The following STPG2 variants were observed in gnomAD, a reference collection of about 807,000 sequenced individuals.
The protein encoded by STPG2 is sperm tail PG-rich repeat containing 2.
In STPG2, 56 loss-of-function variants were observed where a neutral mutation model predicts 54.2. That is an observed-to-expected ratio of 1.03 (90% CI 0.83 to 1.29). STPG2 has a LOEUF of 1.29. STPG2 is among the 50% of genes most tolerant of loss of function. The pLI, the probability that STPG2 is intolerant of heterozygous loss-of-function variation, is 0.00. For missense variants in STPG2, 596 were observed against 544.9 expected (o/e 1.09, Z -0.93); for synonymous variants, 200 against 181.8 (o/e 1.10, Z -0.81).
chr4:97,952,801 G>C (rs1171025914), intron 7 of STPG2, among the ~76,000 whole-genome samples: 2 of 152,192 alleles, frequency 1.3e-5, no homozygotes, highest in African/African-American at 4.8e-5. Flanking sequence ...CCTCTGGTTA[G>C]CCAGGTTGGT....
intron 8 of STPG2, among the ~76,000 whole-genome samples, chr4:97,907,861 A>G (rs1355814049): frequency 6.6e-6 from 1 of 152,150 alleles, no homozygotes; most frequent in Non-Finnish European, 1.5e-5. Context: ...TTATACAAAA[A>G]TCAATTCAAG....
At chr4:97,791,050 C>T (rs1726975289) in intron 9 of STPG2, among the ~76,000 whole-genome samples, 1 of 152,138 alleles carries the variant, frequency 6.6e-6, no homozygotes, top group Non-Finnish European at 1.5e-5. Context: ...TATGTCCCTA[C>T]TCTGAAAAAG....
intron 4 of STPG2, among the ~76,000 whole-genome samples, chr4:97,542,211 A>G (rs1452806270): frequency 6.6e-6 from 1 of 152,216 alleles, no homozygotes; most frequent in Non-Finnish European, 1.5e-5. Context: ...AATTTTTGCA[A>G]TCTACTCATC....
At chr4:97,769,903 A>T (rs1252127660) in intron 9 of STPG2, among the ~76,000 whole-genome samples, 2 of 152,288 alleles carry the variant, frequency 1.3e-5, no homozygotes, top group Non-Finnish European at 2.9e-5. Context: ...AATAATAAAT[A>T]AATTAACATA....
chr4:97,481,202 C>T lies in STPG2; in HGVS notation c.462+231497G>A, dbSNP rs1403916536. Among the ~76,000 whole-genome samples, 4 of 151,486 alleles carry T rather than the reference C, an allele frequency of 2.6e-5. No homozygotes were observed. The East Asian group carries it at 7.7e-4, about 29-fold the overall frequency. ...AGCATCTATGTAAAAAATTAACAGACCATCTACAATAGTCAATTTTTGAAC... is the reference window on the plus strand; with the variant it reads ...AGCATCTATGTAAAAAATTAACAGATCATCTACAATAGTCAATTTTTGAAC... On this transcript the variant is annotated intron_variant, in intron 4 of 4. Coordinates refer to the STPG2 transcript ENST00000522676.
chr4:97,703,547 AAT>A (rs1241494506), intron 10 of STPG2, among the ~76,000 whole-genome samples: 2 of 139,540 alleles, frequency 1.4e-5, no homozygotes, highest in Admixed American at 1.6e-4. Flanking sequence ...TATATACTAT[AAT>A]ATACTATATA....
At chr4:97,484,294 G>T (rs1317130162) in intron 4 of STPG2, among the ~76,000 whole-genome samples, 1 of 151,474 alleles carries the variant, frequency 6.6e-6, no homozygotes, top group Non-Finnish European at 1.5e-5. Context: ...TCTTTGAAAA[G>T]ATAAATAAAA....
intron 5 of STPG2, among the ~76,000 whole-genome samples, chr4:98,081,985 C>A (rs557445561): frequency 6.6e-6 from 1 of 152,198 alleles, no homozygotes; most frequent in East Asian, 1.9e-4. Flanking sequence ...CCAAGAAATA[C>A]AATAATTAAG....
chr4:97,962,449 T>C (rs1733925502), intron 7 of STPG2, among the ~76,000 whole-genome samples: 1 of 152,138 alleles, frequency 6.6e-6, no homozygotes, highest in African/African-American at 2.4e-5. Context: ...GATAATCAAA[T>C]TAAACATAAA....
chr4:97,798,312 G>T (rs1375801795), intron 9 of STPG2, among the ~76,000 whole-genome samples: 1 of 152,008 alleles, frequency 6.6e-6, no homozygotes, highest in African/African-American at 2.4e-5. Context: ...TTTCTCATGT[G>T]GGCATATAGT....
At chr4:97,904,637 A>T (rs887704518) in intron 8 of STPG2, among the ~76,000 whole-genome samples, 1 of 152,236 alleles carries the variant, frequency 6.6e-6, no homozygotes, top group Non-Finnish European at 1.5e-5. Context: ...TAGAAGAAGG[A>T]TTCAGATAAT....
chr4:97,769,681 C>T (rs1726165309), intron 9 of STPG2, among the ~76,000 whole-genome samples: 1 of 151,890 alleles, frequency 6.6e-6, no homozygotes, highest in Admixed American at 6.6e-5. Context: ...ACAAGAGTTT[C>T]TCATGCATAT....
At chr4:98,009,157 T>C (rs1323526627) in intron 5 of STPG2, among the ~76,000 whole-genome samples, 2 of 152,078 alleles carry the variant, frequency 1.3e-5, no homozygotes, top group African/African-American at 2.4e-5. Flanking sequence ...TTACTTTCCC[T>C]TTCTTTGTTA....
chr4:97,893,821 G>A (rs1294713339), intron 8 of STPG2, among the ~76,000 whole-genome samples: 4 of 151,998 alleles, frequency 2.6e-5, no homozygotes, highest in Non-Finnish European at 5.9e-5. Flanking sequence ...AAGAATGGAT[G>A]TTGAGGGAGA....
chr4:97,813,390 T>TA (rs999875191), intron 9 of STPG2, among the ~76,000 whole-genome samples: 4 of 151,938 alleles, frequency 2.6e-5, no homozygotes, highest in African/African-American at 7.2e-5. Flanking sequence ...GATACTTTTT[T>TA]AAAAAAAGAA....
intron 9 of STPG2, among the ~76,000 whole-genome samples, chr4:97,819,578 T>C (rs556553834): frequency 6.6e-6 from 1 of 152,278 alleles, no homozygotes; most frequent in South Asian, 2.1e-4. Flanking sequence ...TGTTGTCTTA[T>C]ATGCTATGCA....
chr4:97,511,671 T>C (rs966287808), intron 4 of STPG2, among the ~76,000 whole-genome samples: 3 of 152,082 alleles, frequency 2.0e-5, no homozygotes, highest in African/African-American at 4.8e-5. Flanking sequence ...AGAATAAAAA[T>C]TATTTTCAAG....
At position 97,635,489 on chromosome 4, in the gene STPG2, C is replaced by A. The variant is rs543082421; in HGVS notation, c.1321-76372G>T. Among the ~76,000 whole-genome samples the A allele has an allele frequency of 4.9e-3, 746 of 151,998 alleles. 2 individuals are homozygous for A. The highest frequency in any genetic ancestry group is 0.021 in the Middle Eastern group (6 of 292). ...TGACAGGATCAAATTCACACATAACCCTATTAACTTTAAATGTAAATGGAC... is the reference window on the plus strand; with the variant it reads ...TGACAGGATCAAATTCACACATAACACTATTAACTTTAAATGTAAATGGAC... On this transcript the variant is annotated intron_variant, in intron 10 of 10. Coordinates refer to ENST00000295268, the MANE Select transcript of STPG2 (RefSeq NM_174952.3).
intron 7 of STPG2, among the ~76,000 whole-genome samples, chr4:97,965,170 G>A (rs1405120234): frequency 2.6e-5 from 4 of 152,162 alleles, no homozygotes; most frequent in Non-Finnish European, 5.9e-5. Flanking sequence ...CTTAGCAACC[G>A]ACAGACCAGG....
Sources: allele counts gnomAD v4.1 joint callset (sites outside exome capture counted in the v4.1 genomes callset), GRCh38; gene constraint gnomAD v4.1.1; transcripts MANE v1.5; gene names NCBI Gene and HGNC (gene_info 2026-07-23, HGNC 2026-07-21).